Variants in CSMD1 observed in about 807,000 individuals in gnomAD.
CSMD1 encodes the protein CUB and Sushi multiple domains 1.
Under a neutral mutation model 417.5 loss-of-function variants are expected in CSMD1, and 213 were observed. The observed-to-expected ratio is 0.51, with a 90% CI of 0.46 to 0.57. The LOEUF (loss-of-function observed/expected upper bound fraction) is 0.57. CSMD1 is among the 20% of genes least tolerant of loss of function. The pLI is 0.00. For missense variants in CSMD1, 6,923 were observed against 4,529.7 expected, an observed-to-expected ratio of 1.53 and a Z score of -15.17; for synonymous variants, 2,862 against 1,736.8, an observed-to-expected ratio of 1.65 and a Z score of -16.11.
chr8:4,341,053 C>G (rs886091459), intron 3 of CSMD1, among the ~76,000 whole-genome samples: 1 of 151,932 alleles, frequency 6.6e-6, no homozygotes, highest in Non-Finnish European at 1.5e-5. Flanking sequence ...TACTCTAAAT[C>G]AACGTAAAAG....
intron 6 of CSMD1, among the ~76,000 whole-genome samples, chr8:3,724,628 T>C (rs931190173): frequency 6.6e-6 from 1 of 152,110 alleles, no homozygotes; most frequent in Non-Finnish European, 1.5e-5. Context: ...TCACTCCCAG[T>C]ATGCAGGAAG....
At chr8:4,688,168 G>A (rs980223681) in intron 1 of CSMD1, among the ~76,000 whole-genome samples, 3 of 152,124 alleles carry the variant, frequency 2.0e-5, no homozygotes, top group African/African-American at 7.2e-5. Context: ...GATTCTAGGA[G>A]TTTTTTGTGA....
At position 3,478,172 on chromosome 8, in the gene CSMD1, C is replaced by G. The variant is rs766335712; in HGVS notation, c.1449-9348G>C. On this transcript the variant is annotated intron_variant, in intron 11 of 69. Coordinates refer to ENST00000635120, the MANE Select transcript of CSMD1 (RefSeq NM_033225.6). Reference sequence around the variant, plus strand: ...TGAAATCCATTACAGCCAGGTGGCACAGAAGATGATGTGACTTAACATCAA... The same window carrying G: ...TGAAATCCATTACAGCCAGGTGGCAGAGAAGATGATGTGACTTAACATCAA... Among the ~76,000 whole-genome samples, 3 of 152,146 alleles carry G rather than the reference C, an allele frequency of 2.0e-5. No homozygotes were observed. In the East Asian group the frequency reaches 5.8e-4, roughly 29 times the overall value.
chr8:4,161,515 G>C (rs1366323687), intron 3 of CSMD1, among the ~76,000 whole-genome samples: 9 of 152,138 alleles, frequency 5.9e-5, no homozygotes, highest in Admixed American at 6.6e-5. Context: ...CTGAACCCAA[G>C]CTGAACACGC....
chr8:4,512,751 G>A (rs187677084), intron 2 of CSMD1, among the ~76,000 whole-genome samples: 1 of 151,148 alleles, frequency 6.6e-6, no homozygotes, highest in Non-Finnish European at 1.5e-5. Context: ...AAATGTATAT[G>A]AAGAACTCTA....
At chr8:3,468,344 A>G (rs1816899935) in intron 12 of CSMD1, among the ~76,000 whole-genome samples, 1 of 152,210 alleles carries the variant, frequency 6.6e-6, no homozygotes, top group African/African-American at 2.4e-5. Flanking sequence ...AAGTATTTTC[A>G]GATTCACTAT....
chr8:4,076,379 G>A (rs1393122638), intron 3 of CSMD1, among the ~76,000 whole-genome samples: 1 of 152,150 alleles, frequency 6.6e-6, no homozygotes, highest in Non-Finnish European at 1.5e-5. Context: ...CCCTGTCTGA[G>A]GTAGTTCTTT....
At chr8:4,675,355 T>G (rs1444080257) in intron 1 of CSMD1, among the ~76,000 whole-genome samples, 1 of 152,180 alleles carries the variant, frequency 6.6e-6, no homozygotes, top group Non-Finnish European at 1.5e-5. Flanking sequence ...GAGAAATGTT[T>G]GACATTTGAA....
intron 2 of CSMD1, among the ~76,000 whole-genome samples, chr8:4,494,145 G>A (rs992954638): frequency 2.0e-5 from 3 of 152,188 alleles, no homozygotes; most frequent in Non-Finnish European, 2.9e-5. Context: ...ACTGGGGTAA[G>A]ATATTGTTGT....
At chr8:4,818,496 C>A (rs1799333559) in intron 1 of CSMD1, among the ~76,000 whole-genome samples, 1 of 152,112 alleles carries the variant, frequency 6.6e-6, no homozygotes, top group Non-Finnish European at 1.5e-5. Flanking sequence ...TTTAGTTTAG[C>A]ATACATTAAA....
chr8:4,795,953 A>C (rs908667574), intron 1 of CSMD1, among the ~76,000 whole-genome samples: 2 of 152,162 alleles, frequency 1.3e-5, no homozygotes, highest in Non-Finnish European at 2.9e-5. Context: ...TCACTACTTG[A>C]TATTATGTTA....
chr8:3,037,310 A>T (rs1405033775), intron 50 of CSMD1, among the ~76,000 whole-genome samples: 2 of 146,308 alleles, frequency 1.4e-5, no homozygotes, highest in East Asian at 1.9e-4. Context: ...GGTTCACGCC[A>T]TTCTCCTGCC....
intron 1 of CSMD1, among the ~76,000 whole-genome samples, chr8:4,927,777 G>A (rs953047757): frequency 6.6e-6 from 1 of 152,118 alleles, no homozygotes; most frequent in Non-Finnish European, 1.5e-5. Flanking sequence ...TGCTCAGACT[G>A]AAACCTTGGA....
chr8:4,920,896 GAAAAGAAAAGAAA>G (rs1806408818), intron 1 of CSMD1, among the ~76,000 whole-genome samples: 1 of 37,538 alleles, frequency 2.7e-5, no homozygotes, highest in Non-Finnish European at 6.2e-5. Context: ...GAAAAGAAAA[GAAAAGAAAAGAAA>G]AGAAAAGAAA....
chr8:3,188,304 C>CTTTTTT (rs33913660), intron 35 of CSMD1, among the ~76,000 whole-genome samples: 6 of 87,624 alleles, frequency 6.8e-5, no homozygotes, highest in Non-Finnish European at 1.2e-4. Context: ...CTTTTCCTTT[C>CTTTTTT]TTTTTTTTTT....
At chr8:3,191,285 G>A (rs148281940) in intron 33 of CSMD1, among the ~76,000 whole-genome samples, 1,900 of 151,980 alleles carry the variant, frequency 0.013, 47 homozygotes, top group African/African-American at 0.043. Flanking sequence ...TGAAACCCCC[G>A]TCTCTACTAA....
At chr8:3,546,743 T>A (rs547108410) in intron 10 of CSMD1, among the ~76,000 whole-genome samples, 1 of 152,282 alleles carries the variant, frequency 6.6e-6, no homozygotes, top group African/African-American at 2.4e-5. Context: ...GCTGCAGAAA[T>A]CAGCCTGCAC....
chr8:3,008,599 C>T (rs973779878), intron 52 of CSMD1, among the ~76,000 whole-genome samples: 7 of 151,904 alleles, frequency 4.6e-5, no homozygotes, highest in South Asian at 2.1e-4. Context: ...GGCTCCTGAA[C>T]GAATCCGGTT....
intron 5 of CSMD1, among the ~76,000 whole-genome samples, chr8:3,874,883 C>T (rs1481257388): frequency 2.6e-5 from 4 of 152,080 alleles, no homozygotes; most frequent in African/African-American, 9.7e-5. Context: ...GTGAGATCCA[C>T]TGCGATGCTG....
Sources: gnomAD v4.1 joint callset for allele counts (sites outside exome capture counted in the v4.1 genomes callset) on GRCh38, gnomAD v4.1.1 for gene constraint, MANE v1.5 for transcripts, NCBI Gene and HGNC (gene_info 2026-07-23, HGNC 2026-07-21) for gene names.